Variants in C1orf141 observed in about 807,000 individuals in gnomAD.
The protein encoded by C1orf141 is uncharacterized protein C1orf141.
In C1orf141, 19 loss-of-function variants were observed where a neutral mutation model predicts 23.2. The observed-to-expected ratio is 0.82, with a 90% CI of 0.57 to 1.20. The LOEUF (loss-of-function observed/expected upper bound fraction) is 1.20, where lower values mean the gene tolerates loss of function less well. C1orf141 is among the 50% of genes most tolerant of loss of function. The pLI is 0.00. For synonymous variants in C1orf141, 153 were observed against 154.6 expected (o/e 0.99, Z 0.08); for missense variants, 469 against 455.1 (o/e 1.03, Z -0.28).
chr1:67,095,611 G>C, intron 6 of C1orf141, 190 bp from the exon 7 acceptor site: 1 of 481,912 alleles, frequency 2.1e-6, no homozygotes, highest in Non-Finnish European at 3.6e-6. Context: ...AGTAGGAGTG[G>C]AAGCAAGAGA....
At chr1:67,109,818 AAAAG>A (rs1646026323) in intron 5 of C1orf141, among the ~76,000 whole-genome samples, 1 of 152,318 alleles carries the variant, frequency 6.6e-6, no homozygotes, top group South Asian at 2.1e-4. Context: ...CCCACAAGAA[AAAAG>A]AAAGGCCATT....
chr1:67,093,946 GGTTTCCA>G (rs1345568383), intron 7 of C1orf141: 1 of 156,992 alleles, frequency 6.4e-6, no homozygotes, highest in Non-Finnish European at 1.4e-5. Context: ...GCATTTCTTA[GGTTTCCA>G]TGTTCTAGAA....
At chr1:67,108,878 A>G (rs994737882) in intron 5 of C1orf141, among the ~76,000 whole-genome samples, 1 of 152,194 alleles carries the variant, frequency 6.6e-6, no homozygotes, top group Non-Finnish European at 1.5e-5. Context: ...AACCACAATG[A>G]GATACTGCCT....
intron 5 of C1orf141, among the ~76,000 whole-genome samples, chr1:67,113,354 G>A (rs972641483): frequency 1.3e-5 from 2 of 151,762 alleles, no homozygotes; most frequent in Non-Finnish European, 2.9e-5. Flanking sequence ...ACAATATACA[G>A]GTCTTTGTTT....
At chr1:67,115,679 C>T (rs1179519706) in intron 4 of C1orf141, among the ~76,000 whole-genome samples, 3 of 152,100 alleles carry the variant, frequency 2.0e-5, no homozygotes, top group African/African-American at 7.2e-5. Flanking sequence ...CAGAAAACTA[C>T]TTGCTGCTGT....
At position 67,093,276 on chromosome 1, in the gene C1orf141, C is replaced by T. The variant is rs759613678; in HGVS notation, c.932G>A (p.Trp311Ter). The T allele has an allele frequency of 6.2e-7, 1 of 1,613,722 alleles. No individual in the cohort carries two copies. Among genetic ancestry groups the T allele is most frequent in the East Asian group, 2.2e-5 (1 of 44,838 alleles). The change falls in exon 8 of 8, where the codon TGG becomes TAG. Residue 311 changes from tryptophan to a stop codon, truncating the protein, a stop_gained. Coordinates refer to ENST00000684719, the MANE Select transcript of C1orf141 (RefSeq NM_001276351.2). LOFTEE classifies it low-confidence loss of function (END_TRUNC). ...CTGTGAGAAATTATAGAGTGTATTC[C>T]AAGATCTGTTTTCTAGTGTCTGCTT... ...TNKQTLENRS[W>*]NTLYNFSQNF...
intron 4 of C1orf141, among the ~76,000 whole-genome samples, chr1:67,116,409 T>C (rs1646194380): frequency 1.3e-5 from 2 of 151,964 alleles, no homozygotes; most frequent in Non-Finnish European, 2.9e-5. Flanking sequence ...CCAAGACCCC[T>C]TTATTTTTCA....
chr1:67,131,786 C>CTTTTTTTT (rs796496335), intron 1 of C1orf141, among the ~76,000 whole-genome samples: 3 of 121,514 alleles, frequency 2.5e-5, no homozygotes, highest in Non-Finnish European at 3.4e-5. Context: ...ACTACCTCTT[C>CTTTTTTTT]TTTTTTTTTT....
At chr1:67,120,924 A>G (rs1425655184) in intron 4 of C1orf141, among the ~76,000 whole-genome samples, 3 of 152,204 alleles carry the variant, frequency 2.0e-5, no homozygotes, top group Non-Finnish European at 4.4e-5. Flanking sequence ...TGTGGAGTAT[A>G]TTGGAGAGTA....
At chr1:67,103,238 C>A in intron 5 of C1orf141, 1 of 1,401,808 alleles carries the variant, frequency 7.1e-7, no homozygotes, top group Admixed American at 2.4e-5. Context: ...ATTTGTATAC[C>A]TGTAAATAAA....
Position 67,132,641 on chromosome 1 carries a change from T to A in C1orf141, c.-103-1414A>T, listed in dbSNP as rs539046812. Among the ~76,000 whole-genome samples the A allele has an allele frequency of 2.0e-5, 3 of 152,344 alleles. No homozygotes were observed. The East Asian group carries it at 5.8e-4, about 29-fold the overall frequency. On this transcript the variant is annotated intron_variant, in intron 1 of 7. Transcript: ENST00000684719. ...TCAGCCTCAGGCAAAGCGTTTTACATCTAACGGGGATTTGAAAATTACAAT... is the reference window on the plus strand; with the variant it reads ...TCAGCCTCAGGCAAAGCGTTTTACAACTAACGGGGATTTGAAAATTACAAT...
upstream of C1orf141, among the ~76,000 whole-genome samples, chr1:67,138,086 C>T (rs1288411583): frequency 6.6e-6 from 1 of 152,196 alleles, no homozygotes; most frequent in South Asian, 2.1e-4. Flanking sequence ...CTAACAAATT[C>T]CCAGGCATTT....
intron 5 of C1orf141, among the ~76,000 whole-genome samples, chr1:67,106,639 CAG>C (rs1430234913): frequency 2.7e-4 from 41 of 152,242 alleles, no homozygotes; most frequent in Admixed American, 2.7e-3. Flanking sequence ...GCCTGGGTGA[CAG>C]AGCACGACTT....
At chr1:67,108,882 A>G (rs1645997534) in intron 5 of C1orf141, among the ~76,000 whole-genome samples, 1 of 152,220 alleles carries the variant, frequency 6.6e-6, no homozygotes. Context: ...ACAATGAGAT[A>G]CTGCCTTATT....
chr1:67,105,646 GACACACACACAGACAC>G (rs1188870097), intron 5 of C1orf141, among the ~76,000 whole-genome samples: 2 of 151,520 alleles, frequency 1.3e-5, no homozygotes, highest in Non-Finnish European at 2.9e-5. Context: ...CACACACACA[GACACACACACAGACAC>G]ACACACACAC....
At chr1:67,093,848 T>C (rs1198475996) in intron 7 of C1orf141, 1 of 253,182 alleles carries the variant, frequency 3.9e-6, no homozygotes, top group East Asian at 7.1e-5. Flanking sequence ...GCCTTAAATG[T>C]TTTTTGAAAT....
chr1:67,103,194 A>G lies in C1orf141; in HGVS notation c.347-6873T>C, dbSNP rs1264983699. 10 of 1,119,818 alleles carry G rather than the reference A, an allele frequency of 8.9e-6. No individual in the cohort carries two copies. The East Asian group carries it at 2.1e-4, about 24-fold the overall frequency. The allele number at this position is 1,119,818 out of a possible 1,614,324, so 69.4% of individuals were successfully genotyped here. A position where few individuals can be genotyped will look rare whatever the true frequency, so the allele number is the denominator to read the frequency against. On this transcript the variant is annotated intron_variant, in intron 5 of 7. Coordinates refer to ENST00000684719, the MANE Select transcript of C1orf141 (RefSeq NM_001276351.2). ...ATGCTTACACACTAATTTTAGGTGC[A>G]GATAACTTTCAGTTATTTCAATGTA... is the stretch of plus-strand genomic sequence containing the variant.
At chr1:67,138,506 T>A (rs917477819), upstream of C1orf141, among the ~76,000 whole-genome samples, 3 of 152,214 alleles carry the variant, frequency 2.0e-5, no homozygotes, top group African/African-American at 7.2e-5. Context: ...AATATCATTG[T>A]ACCCTGGGAT....
intron 5 of C1orf141, chr1:67,103,206 G>A (rs1192932407): frequency 7.9e-7 from 1 of 1,273,268 alleles, no homozygotes; most frequent in African/African-American, 1.5e-5. Context: ...ATAACTTTCA[G>A]TTATTTCAAT....
Sources: allele counts gnomAD v4.1 joint callset (sites outside exome capture counted in the v4.1 genomes callset), GRCh38; gene constraint gnomAD v4.1.1; transcripts MANE v1.5; gene names NCBI Gene and HGNC (gene_info 2026-07-23, HGNC 2026-07-21).